The following LRFN5 variants were observed in gnomAD, a reference collection of about 807,000 sequenced individuals.
The protein encoded by LRFN5 is leucine-rich repeat and fibronectin type-III domain-containing protein 5.
In LRFN5, 24 loss-of-function variants were observed where a neutral mutation model predicts 45.6. That is an observed-to-expected ratio of 0.53 (90% CI 0.38 to 0.74). The LOEUF (loss-of-function observed/expected upper bound fraction) is 0.74. Ranked by LOEUF, LRFN5 falls within the 30% of genes least tolerant of loss-of-function variation. The pLI is 0.00. For synonymous variants in LRFN5, 340 were observed against 313.8 expected, an observed-to-expected ratio of 1.08 and a Z score of -0.88; for missense variants, 776 against 861.5, an observed-to-expected ratio of 0.90 and a Z score of 1.24.
chr14:41,619,387 ATTAT>A (rs1383115020), intron 1 of LRFN5, among the ~76,000 whole-genome samples: 1 of 151,982 alleles, frequency 6.6e-6, no homozygotes, highest in Admixed American at 6.6e-5. Context: ...CTTTCTGATT[ATTAT>A]TTATTTGCAG....
At chr14:41,837,596 A>G (rs1295726447) in intron 2 of LRFN5, among the ~76,000 whole-genome samples, 2 of 152,224 alleles carry the variant, frequency 1.3e-5, no homozygotes, top group East Asian at 1.9e-4. Flanking sequence ...ATAAAGTAGT[A>G]AATAGGGAAT....
At position 41,845,889 on chromosome 14, in the gene LRFN5, A is replaced by G. The variant is rs940513934; in HGVS notation, c.-20-40717A>G. On this transcript the variant is annotated intron_variant, in intron 2 of 5. Transcript: ENST00000298119. ...GTTAGTTAATTAAGTAATGAATAAG[A>G]GGGACATTTTCCCTGCATTCCAGAG... Among the ~76,000 whole-genome samples, 4 of 152,334 alleles carry G rather than the reference A, an allele frequency of 2.6e-5. No homozygotes were observed. The South Asian group carries it at 8.3e-4, about 32-fold the overall frequency.
chr14:41,695,167 T>C (rs1882551792), intron 1 of LRFN5, among the ~76,000 whole-genome samples: 1 of 151,900 alleles, frequency 6.6e-6, no homozygotes, highest in African/African-American at 2.4e-5. Context: ...CAAAGTCTAA[T>C]CCAGAGCAAA....
At chr14:41,645,768 T>C (rs1879787681) in intron 1 of LRFN5, among the ~76,000 whole-genome samples, 1 of 152,206 alleles carries the variant, frequency 6.6e-6, no homozygotes, top group Non-Finnish European at 1.5e-5. Flanking sequence ...GCAATATTTC[T>C]TGTAGATTGG....
At chr14:41,885,528 A>G (rs1890537742) in intron 2 of LRFN5, among the ~76,000 whole-genome samples, 1 of 152,278 alleles carries the variant, frequency 6.6e-6, no homozygotes, top group East Asian at 1.9e-4. Flanking sequence ...ATTGTAAAAG[A>G]AGGAAAACAG....
chr14:41,663,309 T>C (rs1880741948), intron 1 of LRFN5, among the ~76,000 whole-genome samples: 2 of 152,044 alleles, frequency 1.3e-5, no homozygotes, highest in South Asian at 4.1e-4. Context: ...AGGACTCACT[T>C]GCATCCTTTG....
At chr14:41,842,829 G>T (rs1476872277) in intron 2 of LRFN5, among the ~76,000 whole-genome samples, 1 of 151,906 alleles carries the variant, frequency 6.6e-6, no homozygotes, top group Non-Finnish European at 1.5e-5. Flanking sequence ...TTTTGATGTG[G>T]TTTTAAGTAC....
chr14:41,740,218 A>G (rs893347010), intron 1 of LRFN5, among the ~76,000 whole-genome samples: 9 of 152,088 alleles, frequency 5.9e-5, no homozygotes, highest in African/African-American at 2.2e-4. Flanking sequence ...CCCTAATATT[A>G]AAACCATACA....
intron 2 of LRFN5, among the ~76,000 whole-genome samples, chr14:41,857,414 T>A (rs1889508258): frequency 6.6e-6 from 1 of 152,182 alleles, no homozygotes; most frequent in South Asian, 2.1e-4. Flanking sequence ...AGGAAATAAA[T>A]AGATGGAATA....
intron 1 of LRFN5, among the ~76,000 whole-genome samples, chr14:41,654,702 C>T (rs928155876): frequency 6.6e-6 from 1 of 152,026 alleles, no homozygotes; most frequent in African/African-American, 2.4e-5. Context: ...GATAATTTAT[C>T]ATTAGCTTTG....
rs184605596 is a variant in LRFN5 at position 41,634,954 on chromosome 14, T to A, written c.-197+26392T>A. On this transcript the variant is annotated intron_variant, in intron 1 of 5. Coordinates refer to ENST00000298119, the MANE Select transcript of LRFN5 (RefSeq NM_152447.5). ...AATAATTTAATTATGTAATGAAACA[T>A]AATTACATTTAAACAGTTTTATTTT... 1.9e-4 allele frequency among the ~76,000 whole-genome samples: 29 copies of A among 152,230 alleles called. No individual in the cohort carries two copies. In the East Asian group the frequency reaches 5.6e-3, roughly 29 times the overall value.
chr14:41,738,501 C>T (rs150306185), intron 1 of LRFN5, among the ~76,000 whole-genome samples: 2 of 152,322 alleles, frequency 1.3e-5, no homozygotes, highest in East Asian at 3.9e-4. Context: ...CAAATGGGAT[C>T]TAACCCCTTT....
intron 1 of LRFN5, among the ~76,000 whole-genome samples, chr14:41,634,861 C>A (rs1270499466): frequency 6.6e-6 from 1 of 151,944 alleles, no homozygotes; most frequent in Non-Finnish European, 1.5e-5. Flanking sequence ...TTAAATTATT[C>A]TTAAATATGG....
intron 2 of LRFN5, among the ~76,000 whole-genome samples, chr14:41,847,458 T>A (rs1417673498): frequency 6.6e-6 from 1 of 152,130 alleles, no homozygotes; most frequent in Non-Finnish European, 1.5e-5. Context: ...GCATAAGAAA[T>A]GTTTTTTCTT....
rs79930707 is a variant in LRFN5 at position 41,772,015 on chromosome 14, G to A, written c.-21+4986G>A. 3.6e-3 allele frequency among the ~76,000 whole-genome samples: 552 copies of A among 152,288 alleles called. 16 individuals are homozygous for A. The East Asian group carries it at 0.093, about 26-fold the overall frequency. The stretch of plus-strand genomic sequence containing the variant: ...TTCTCTAGGCTGTAGGAAGTATGGC[G>A]TCAGCATCTGCTTTTGGTGAGGGCC... On this transcript the variant is annotated intron_variant, in intron 2 of 5. Transcript: ENST00000298119.
chr14:41,848,593 A>G (rs540574597), intron 2 of LRFN5, among the ~76,000 whole-genome samples: 41 of 152,136 alleles, frequency 2.7e-4, no homozygotes, highest in African/African-American at 8.7e-4. Context: ...CCAACCTCCA[A>G]CTGTTGGTCA....
At chr14:41,889,831 T>C (rs1890713144) in intron 3 of LRFN5, among the ~76,000 whole-genome samples, 1 of 152,186 alleles carries the variant, frequency 6.6e-6, no homozygotes, top group Admixed American at 6.5e-5. Context: ...AAGGAACTTT[T>C]AGAATGTAGT....
chr14:41,887,149 C>G lies in LRFN5; in HGVS notation c.524C>G (p.Thr175Ser). ...DAVEKMVSLHTLSLDHNMIDN... is the reference protein window; with the variant it reads ...DAVEKMVSLHSLSLDHNMIDN... ...GTTGAGAAGATGGTTAGCTTGCATA[C>G]CCTTAGTTTGGATCACAATATGATT... Residue 175 changes from threonine to serine, a missense_variant, in exon 3 of 6, where the codon ACC becomes AGC. Thr to Ser is a moderately conservative substitution (Grantham distance 58, BLOSUM62 1). Coordinates refer to ENST00000298119, the MANE Select transcript of LRFN5 (RefSeq NM_152447.5). The surrounding 1 kb of genome is among the most constrained non-coding windows in gnomAD (Gnocchi z 4.8). The G allele has an allele frequency of 6.2e-7, 1 of 1,614,046 alleles. No homozygotes were observed.
intron 1 of LRFN5, among the ~76,000 whole-genome samples, chr14:41,704,066 C>T (rs1341620831): frequency 6.6e-6 from 1 of 152,082 alleles, no homozygotes; most frequent in Non-Finnish European, 1.5e-5. Flanking sequence ...CATATCTCCA[C>T]AAAAAGAAGC....
Sources: gnomAD v4.1 joint callset for allele counts (sites outside exome capture counted in the v4.1 genomes callset) on GRCh38, gnomAD v4.1.1 for gene constraint, Gnocchi (gnomAD v3.1) non-coding constraint, MANE v1.5 for transcripts, NCBI Gene and HGNC (gene_info 2026-07-23, HGNC 2026-07-21) for gene names.